Variants in RIT2 observed in about 807,000 individuals in gnomAD.
RIT2 encodes Ras like without CAAX 2, also known as GTP-binding protein Rit2.
Under a neutral mutation model 23.7 loss-of-function variants are expected in RIT2, and 24 were observed. The ratio of observed to expected loss-of-function variants is 1.01; its 90% CI spans 0.73 to 1.43. The LOEUF is 1.43. Among genes scored for constraint, RIT2 ranks in the 40% most tolerant of loss-of-function variants. The pLI is 0.00. For missense variants in RIT2, 236 were observed against 266.9 expected, an observed-to-expected ratio of 0.88 and a Z score of 0.81; for synonymous variants, 107 against 91.1, an observed-to-expected ratio of 1.17 and a Z score of -0.99.
intron 1 of RIT2, among the ~76,000 whole-genome samples, chr18:43,042,341 C>T (rs1283138828): frequency 6.6e-6 from 1 of 152,210 alleles, no homozygotes; most frequent in African/African-American, 2.4e-5. Context: ...ATTCCTTCCT[C>T]ATCTATTTAG....
At chr18:43,090,165 TAAAC>T (rs1299817808) in intron 1 of RIT2, among the ~76,000 whole-genome samples, 7 of 151,734 alleles carry the variant, frequency 4.6e-5, no homozygotes, top group African/African-American at 1.5e-4. Context: ...ACAAAGAACT[TAAAC>T]AAATTTACAA....
At chr18:42,784,270 TAAAA>T (rs34931428) in intron 4 of RIT2, among the ~76,000 whole-genome samples, 2 of 142,290 alleles carry the variant, frequency 1.4e-5, no homozygotes, top group Admixed American at 7.1e-5. Context: ...TCCCTTGCGC[TAAAA>T]AAAAAAAAAA....
chr18:42,902,002 C>A (rs749872318), intron 4 of RIT2, among the ~76,000 whole-genome samples: 1 of 151,684 alleles, frequency 6.6e-6, no homozygotes, highest in Non-Finnish European at 1.5e-5. Context: ...TTAGACCAGG[C>A]ATTAAGGAGA....
intron 2 of RIT2, among the ~76,000 whole-genome samples, chr18:42,988,591 A>G (rs1910769579): frequency 6.6e-6 from 1 of 152,178 alleles, no homozygotes; most frequent in Non-Finnish European, 1.5e-5. Context: ...TCTCTGGTTA[A>G]GATAAGTCAT....
chr18:42,783,795 A>G (rs1884510091), intron 4 of RIT2, among the ~76,000 whole-genome samples: 1 of 150,458 alleles, frequency 6.6e-6, no homozygotes, highest in African/African-American at 2.4e-5. Flanking sequence ...CTTTAAAAAT[A>G]ATTTATTTGT....
intron 3 of RIT2, among the ~76,000 whole-genome samples, chr18:42,952,905 ATCTTTTCTT>A (rs1208090213): frequency 2.0e-5 from 3 of 151,328 alleles, no homozygotes; most frequent in South Asian, 4.2e-4. Flanking sequence ...TTTTTTGCTT[ATCTTTTCTT>A]TCTTTTCTTT....
intron 4 of RIT2, among the ~76,000 whole-genome samples, chr18:42,801,142 C>T (rs577988296): frequency 4.0e-5 from 6 of 151,862 alleles, no homozygotes; most frequent in African/African-American, 1.2e-4. Context: ...GTGATGATGG[C>T]GATGGTGAAG....
intron 4 of RIT2, among the ~76,000 whole-genome samples, chr18:42,864,511 C>A (rs1294047132): frequency 6.6e-6 from 1 of 152,130 alleles, no homozygotes; most frequent in African/African-American, 2.4e-5. Context: ...GACATCTGGG[C>A]ACTGTCTTCA....
chr18:42,844,908 A>T (rs1002135000), intron 4 of RIT2, among the ~76,000 whole-genome samples: 7 of 152,188 alleles, frequency 4.6e-5, no homozygotes, highest in Non-Finnish European at 7.3e-5. Flanking sequence ...CAGGTATTCA[A>T]GAAATATGTG....
intron 4 of RIT2, among the ~76,000 whole-genome samples, chr18:42,900,192 T>C (rs1276166358): frequency 6.6e-6 from 1 of 152,140 alleles, no homozygotes; most frequent in African/African-American, 2.4e-5. Context: ...CGAAATTTAA[T>C]GCTGTATAAT....
intron 4 of RIT2, among the ~76,000 whole-genome samples, chr18:42,869,132 A>G (rs1907550014): frequency 6.6e-6 from 1 of 152,238 alleles, no homozygotes; most frequent in Non-Finnish European, 1.5e-5. Context: ...ACTTATTGGC[A>G]CCAGTGACTG....
intron 4 of RIT2, among the ~76,000 whole-genome samples, chr18:42,807,969 A>G (rs58657075): frequency 0.074 from 11,279 of 152,256 alleles, 1,339 homozygotes; most frequent in African/African-American, 0.25. Context: ...ATTCAAAGCT[A>G]GTTCCTGGCA....
rs149525390 is a variant in RIT2 at position 42,769,843 on chromosome 18, TATAATAATAATA to T, written c.427-26135_427-26124del. Among the ~76,000 whole-genome samples, 318 of 141,466 alleles carry T rather than the reference TATAATAATAATA, an allele frequency of 2.2e-3. 2 individuals carry two copies. The highest frequency in any genetic ancestry group is 6.7e-3 in the African/African-American group (262 of 38,926). The allele number at this position is 141,466 out of a possible 152,430, so 92.8% of individuals were successfully genotyped here. The stretch of plus-strand genomic sequence containing the variant: ...TGCACATGTACCCTAAAACTTAAAG[TATAATAATAATA>T]ATAATAATAATAATAATAATAATAA... On this transcript the variant is annotated intron_variant, in intron 4 of 4. Transcript: ENST00000326695.
chr18:42,915,696 T>C (rs918852684), intron 4 of RIT2, among the ~76,000 whole-genome samples: 1 of 152,018 alleles, frequency 6.6e-6, no homozygotes, highest in African/African-American at 2.4e-5. Context: ...TATTTAGGTG[T>C]AGATGTGCAA....
At chr18:42,951,907 T>C (rs146807674) in intron 3 of RIT2, among the ~76,000 whole-genome samples, 76 of 152,290 alleles carry the variant, frequency 5.0e-4, no homozygotes, top group Non-Finnish European at 1.0e-3. Context: ...CAGTTCCGCA[T>C]GGCTAAGGAG....
At chr18:42,911,005 A>G (rs1908755711) in intron 4 of RIT2, among the ~76,000 whole-genome samples, 1 of 152,092 alleles carries the variant, frequency 6.6e-6, no homozygotes, top group South Asian at 2.1e-4. Flanking sequence ...TCAAGCTTAC[A>G]TGGAACATTC....
At chr18:43,067,360 C>T (rs1001928104) in intron 1 of RIT2, among the ~76,000 whole-genome samples, 5 of 152,088 alleles carry the variant, frequency 3.3e-5, no homozygotes, top group South Asian at 2.1e-4. Context: ...GCCATGCACA[C>T]GACACAGCCC....
chr18:42,924,380 A>C (rs1909130215), intron 3 of RIT2, among the ~76,000 whole-genome samples: 1 of 151,932 alleles, frequency 6.6e-6, no homozygotes, highest in Non-Finnish European at 1.5e-5. Flanking sequence ...AAGGTGCATA[A>C]ACAGAAGGAT....
rs374233219 is a variant in RIT2 at position 43,016,966 on chromosome 18, T to C, written c.160+16845A>G. ...GCCATGGCTAATAACAAAGCTCTTC[T>C]TTGAAGAGGCCAAAAATTAAAAGGT... On this transcript the variant is annotated intron_variant, in intron 2 of 4. Transcript: ENST00000326695. 3.3e-5 allele frequency among the ~76,000 whole-genome samples: 5 copies of C among 152,078 alleles called. No homozygotes were observed. In the East Asian group the frequency reaches 7.8e-4, roughly 24 times the overall value.
Sources: gnomAD v4.1 joint callset for allele counts (sites outside exome capture counted in the v4.1 genomes callset) on GRCh38, gnomAD v4.1.1 for gene constraint, MANE v1.5 for transcripts, NCBI Gene and HGNC (gene_info 2026-07-23, HGNC 2026-07-21) for gene names.